Variants in IPCEF1 observed in about 807,000 individuals in gnomAD.
The protein encoded by IPCEF1 is interactor protein for cytohesin exchange factors 1.
In IPCEF1, 31 loss-of-function variants were observed where a neutral mutation model predicts 50.9. That is an observed-to-expected ratio of 0.61 (90% CI 0.46 to 0.82). The LOEUF (loss-of-function observed/expected upper bound fraction) is 0.82, where lower values mean the gene tolerates loss of function less well. Ranked by LOEUF, IPCEF1 falls within the 40% of genes least tolerant of loss-of-function variation. The pLI is 0.00. For synonymous variants in IPCEF1, 181 were observed against 192.0 expected (o/e 0.94, Z 0.47); for missense variants, 458 against 514.0 (o/e 0.89, Z 1.05).
chr6:154,184,311 C>A (rs907906069), intron 10 of IPCEF1, among the ~76,000 whole-genome samples: 2 of 151,958 alleles, frequency 1.3e-5, no homozygotes, highest in African/African-American at 4.8e-5. Flanking sequence ...TGGAAATCAC[C>A]TACATTTCCA....
At chr6:154,229,135 T>C (rs1375041271) in intron 5 of IPCEF1, among the ~76,000 whole-genome samples, 5 of 152,226 alleles carry the variant, frequency 3.3e-5, no homozygotes, top group Admixed American at 3.3e-4. Context: ...CTGTATTTAA[T>C]TATCTGGTTG....
rs376978293 is a variant in IPCEF1 at position 154,290,553 on chromosome 6, A to G, written c.-61-797T>C. On this transcript the variant is annotated intron_variant, in intron 1 of 11. Coordinates refer to ENST00000367220, the MANE Select transcript of IPCEF1 (RefSeq NM_001130700.2). ...CTCTCACTCTAAGTCATGCCCCTCAATTGAATTCTTTCCTTCGAGGAGGCA... is the reference window on the plus strand; with the variant it reads ...CTCTCACTCTAAGTCATGCCCCTCAGTTGAATTCTTTCCTTCGAGGAGGCA... Among the ~76,000 whole-genome samples, 31 of 152,276 alleles carry G rather than the reference A, an allele frequency of 2.0e-4. No homozygotes were observed. In the East Asian group the frequency reaches 2.9e-3, roughly 14 times the overall value.
rs192193378 is a variant in IPCEF1, at chr6:154,159,637, T to C, written c.*191A>G. The C allele has an allele frequency of 1.0e-5, 6 of 592,396 alleles. No homozygotes were observed. Among genetic ancestry groups the C allele is most frequent in the East Asian group, 8.7e-5 (3 of 34,372 alleles). The allele number at this position is 592,396 out of a possible 1,614,324, so 36.7% of individuals were successfully genotyped here. On this transcript the variant is annotated 3_prime_UTR_variant, in exon 12 of 12. Coordinates refer to ENST00000367220, the MANE Select transcript of IPCEF1 (RefSeq NM_001130700.2). Reference sequence around the variant, plus strand: ...ACTCAATCATTCCAATCTCAATGGATGCGTTACGACTGAAATGAGGAGCCC... The same window carrying C: ...ACTCAATCATTCCAATCTCAATGGACGCGTTACGACTGAAATGAGGAGCCC...
intron 10 of IPCEF1, among the ~76,000 whole-genome samples, chr6:154,172,730 G>A (rs912382797): frequency 2.0e-5 from 3 of 152,238 alleles, no homozygotes; most frequent in African/African-American, 7.2e-5. Flanking sequence ...CTGGGGGCAG[G>A]GCATATCTGA....
chr6:154,222,803 C>T (rs556427491), intron 6 of IPCEF1, among the ~76,000 whole-genome samples: 1 of 152,292 alleles, frequency 6.6e-6, no homozygotes, highest in African/African-American at 2.4e-5. Flanking sequence ...GTCTTGCTGG[C>T]GTATCTGCAA....
chr6:154,322,799 T>C (rs1239913235), intron 1 of IPCEF1, among the ~76,000 whole-genome samples: 3 of 151,634 alleles, frequency 2.0e-5, no homozygotes, highest in Non-Finnish European at 2.9e-5. Context: ...ATTACACCAC[T>C]GCACTCTAGC....
chr6:154,325,260 G>C (rs947872295), intron 1 of IPCEF1, among the ~76,000 whole-genome samples: 1 of 152,048 alleles, frequency 6.6e-6, no homozygotes, highest in African/African-American at 2.4e-5. Context: ...GCCTCCACTA[G>C]TGTATAAAAA....
At chr6:154,215,258 G>T (rs577342135) in intron 7 of IPCEF1, among the ~76,000 whole-genome samples, 29 of 151,756 alleles carry the variant, frequency 1.9e-4, no homozygotes, top group Middle Eastern at 3.4e-3. Flanking sequence ...GAATCCTTAC[G>T]CAACCCTCAA....
At chr6:154,203,489 C>T (rs1480021329) in intron 9 of IPCEF1, among the ~76,000 whole-genome samples, 1 of 152,140 alleles carries the variant, frequency 6.6e-6, no homozygotes, top group African/African-American at 2.4e-5. Flanking sequence ...CCATGGATTC[C>T]AAATCCATGA....
At chr6:154,282,327 G>A (rs1028495031) in intron 2 of IPCEF1, among the ~76,000 whole-genome samples, 1 of 152,178 alleles carries the variant, frequency 6.6e-6, no homozygotes, top group Admixed American at 6.5e-5. Context: ...ACGATCCAGG[G>A]AAGAGATTAC....
chr6:154,220,697 T>C (rs527416238), intron 7 of IPCEF1, among the ~76,000 whole-genome samples: 109 of 152,206 alleles, frequency 7.2e-4, no homozygotes, highest in Non-Finnish European at 1.3e-3. Flanking sequence ...TCTAAACCAT[T>C]AGGAATGGTG....
chr6:154,309,109 A>C (rs1409755224), intron 1 of IPCEF1, among the ~76,000 whole-genome samples: 1 of 152,170 alleles, frequency 6.6e-6, no homozygotes, highest in East Asian at 1.9e-4. Flanking sequence ...CTTTTAAATA[A>C]GGTGATTTCT....
chr6:154,167,382 C>CA (rs1394711666), intron 11 of IPCEF1, among the ~76,000 whole-genome samples: 7 of 152,200 alleles, frequency 4.6e-5, no homozygotes, highest in Non-Finnish European at 1.0e-4. Context: ...GTGTGTACTT[C>CA]CCACTGTCGG....
Position 154,265,903 on chromosome 6 carries a change from G to A in IPCEF1, c.36+9C>T. On this transcript the variant is annotated intron_variant, in intron 3 of 11. Coordinates refer to ENST00000367220, the MANE Select transcript of IPCEF1 (RefSeq NM_001130700.2). ...ATCTAAAGCCTGGGGTATTCCAAAG[G>A]ATACTTACAAGAGCACTGCCATCAA... 6.3e-7 allele frequency: 1 copy of A among 1,580,748 alleles called. No individual in the cohort carries two copies. Among genetic ancestry groups the A allele is most frequent in the Non-Finnish European group, 8.6e-7 (1 of 1,159,348 alleles).
At chr6:154,348,904 G>T (rs183487981) in intron 1 of IPCEF1, among the ~76,000 whole-genome samples, 254 of 152,244 alleles carry the variant, frequency 1.7e-3, no homozygotes, top group African/African-American at 5.9e-3. Context: ...ATCCAATAGT[G>T]TGCTGTAGTC....
Position 154,298,490 on chromosome 6 carries a change from C to T in IPCEF1, c.-61-8734G>A, listed in dbSNP as rs546223468. Among the ~76,000 whole-genome samples, 7 of 152,276 alleles carry T rather than the reference C, an allele frequency of 4.6e-5. No homozygotes were observed. In the South Asian group the frequency reaches 1.5e-3, roughly 32 times the overall value. On this transcript the variant is annotated intron_variant, in intron 1 of 11. Transcript: ENST00000367220. ...TGAGTCATAGTCAATTATATAATCT[C>T]GAATCAAGAGGGCATTGTTATTTGT...
intron 1 of IPCEF1, among the ~76,000 whole-genome samples, chr6:154,320,974 C>T (rs1044911205): frequency 6.6e-6 from 1 of 151,884 alleles, no homozygotes; most frequent in African/African-American, 2.4e-5. Context: ...GCTCTGTTGC[C>T]CAGGCTGGAG....
chr6:154,243,176 A>C (rs1780738278), intron 5 of IPCEF1, among the ~76,000 whole-genome samples: 4 of 152,226 alleles, frequency 2.6e-5, no homozygotes, highest in Admixed American at 2.6e-4. Context: ...GACAAGTGTG[A>C]GGAAATAAGA....
At chr6:154,348,068 G>C (rs930576504) in intron 1 of IPCEF1, among the ~76,000 whole-genome samples, 1 of 152,054 alleles carries the variant, frequency 6.6e-6, no homozygotes, top group Non-Finnish European at 1.5e-5. Context: ...TTGGTGACTC[G>C]GTGTCTCTCT....
Sources: allele counts gnomAD v4.1 joint callset (sites outside exome capture counted in the v4.1 genomes callset), GRCh38; gene constraint gnomAD v4.1.1; transcripts MANE v1.5; gene names NCBI Gene and HGNC (gene_info 2026-07-23, HGNC 2026-07-21).